The following CNTN5 variants were observed in gnomAD, a reference collection of about 807,000 sequenced individuals.
CNTN5 encodes contactin-5.
Under a neutral mutation model 129.1 loss-of-function variants are expected in CNTN5, and 77 were observed. The ratio of observed to expected loss-of-function variants is 0.60; its 90% CI spans 0.50 to 0.72. CNTN5 has a LOEUF of 0.72. Ranked by LOEUF, CNTN5 falls within the 30% of genes least tolerant of loss-of-function variation. CNTN5 has a pLI of 0.00. For missense variants in CNTN5, 1,478 were observed against 1,328.8 expected (o/e 1.11, Z -1.75); for synonymous variants, 509 against 465.6 (o/e 1.09, Z -1.20).
intron 8 of CNTN5, among the ~76,000 whole-genome samples, chr11:99,977,031 C>G (rs1286808821): frequency 6.6e-6 from 1 of 152,228 alleles, no homozygotes; most frequent in Non-Finnish European, 1.5e-5. Context: ...AGCCAGGTCA[C>G]ATCTTGAAAG....
chr11:100,173,369 T>G (rs1205236585), intron 13 of CNTN5, among the ~76,000 whole-genome samples: 1 of 152,118 alleles, frequency 6.6e-6, no homozygotes. Context: ...TCCCCAGAAA[T>G]TATAAAACCA....
At chr11:99,923,801 A>G (rs1161943062) in intron 7 of CNTN5, among the ~76,000 whole-genome samples, 3 of 150,200 alleles carry the variant, frequency 2.0e-5, no homozygotes, top group African/African-American at 4.9e-5. Flanking sequence ...CTATCTATCT[A>G]TCTATCTGAC....
chr11:100,177,432 T>C (rs180802835), intron 13 of CNTN5, among the ~76,000 whole-genome samples: 3 of 152,270 alleles, frequency 2.0e-5, no homozygotes, highest in East Asian at 1.9e-4. Flanking sequence ...AACTGGGTCA[T>C]ATTCAGAATC....
chr11:100,133,781 A>G (rs1801923715), intron 13 of CNTN5, among the ~76,000 whole-genome samples: 3 of 152,122 alleles, frequency 2.0e-5, no homozygotes, highest in South Asian at 2.1e-4. Context: ...ATTAGTTCCA[A>G]TGGGAGGTTA....
chr11:100,120,803 A>G (rs962644741), intron 13 of CNTN5, among the ~76,000 whole-genome samples: 5 of 151,994 alleles, frequency 3.3e-5, no homozygotes, highest in Non-Finnish European at 7.4e-5. Flanking sequence ...ATCCCCTATT[A>G]CTATTTTAAA....
At chr11:99,371,348 C>T (rs1387818373) in intron 2 of CNTN5, among the ~76,000 whole-genome samples, 7 of 151,524 alleles carry the variant, frequency 4.6e-5, no homozygotes, top group Non-Finnish European at 1.0e-4. Context: ...ATACATAAGT[C>T]CCTGAAATAA....
chr11:99,367,677 A>G (rs1939537220), intron 2 of CNTN5, among the ~76,000 whole-genome samples: 1 of 152,190 alleles, frequency 6.6e-6, no homozygotes, highest in African/African-American at 2.4e-5. Context: ...AACATTATCC[A>G]GCTAGCTATA....
chr11:100,235,582 G>A (rs956980696), intron 16 of CNTN5, among the ~76,000 whole-genome samples: 3 of 152,086 alleles, frequency 2.0e-5, no homozygotes, highest in African/African-American at 7.2e-5. Context: ...ATATTACTGG[G>A]ACCCATTGCC....
At chr11:99,885,167 A>G (rs1948869543) in intron 6 of CNTN5, among the ~76,000 whole-genome samples, 1 of 152,086 alleles carries the variant, frequency 6.6e-6, no homozygotes, top group Admixed American at 6.6e-5. Flanking sequence ...CTATAGTCCT[A>G]GCTACTGGGG....
intron 9 of CNTN5, 83 bp from the exon 10 acceptor site, chr11:100,061,129 T>A (rs56237603): frequency 0.037 from 42,135 of 1,138,670 alleles, 940 homozygotes; most frequent in African/African-American, 0.07. Flanking sequence ...CTCAGCCTAT[T>A]AAGTGCTTAA....
rs185124387 is a variant in CNTN5, at chr11:100,176,572, A to G, written c.1581-14554A>G. On this transcript the variant is annotated intron_variant, in intron 13 of 24. Transcript: ENST00000524871. ...CAAAAATGAAGGCAGGAAAAATTCT[A>G]TGTAAAGTGGATTAAGGATGAGTTC... 2.4e-3 allele frequency among the ~76,000 whole-genome samples: 365 copies of G among 152,136 alleles called. 3 individuals are homozygous for G. The highest frequency in any genetic ancestry group is 7.9e-3 in the African/African-American group (329 of 41,532).
intron 2 of CNTN5, among the ~76,000 whole-genome samples, chr11:99,406,170 G>T (rs1037209310): frequency 2.6e-5 from 4 of 151,700 alleles, no homozygotes; most frequent in Non-Finnish European, 4.4e-5. Flanking sequence ...CACAATCTGG[G>T]CTTATTTGCA....
chr11:99,721,369 A>C (rs940818900), intron 3 of CNTN5, among the ~76,000 whole-genome samples: 1 of 152,156 alleles, frequency 6.6e-6, no homozygotes, highest in Non-Finnish European at 1.5e-5. Context: ...ACTGACAAAA[A>C]CAAGCAATGG....
At chr11:99,545,878 C>T (rs910140755) in intron 2 of CNTN5, among the ~76,000 whole-genome samples, 2 of 152,306 alleles carry the variant, frequency 1.3e-5, no homozygotes, top group South Asian at 2.1e-4. Flanking sequence ...TCTCCCTGCA[C>T]GTAGCCAGGG....
At chr11:99,835,928 C>G (rs1043605954) in intron 4 of CNTN5, among the ~76,000 whole-genome samples, 1 of 151,966 alleles carries the variant, frequency 6.6e-6, no homozygotes, top group Non-Finnish European at 1.5e-5. Flanking sequence ...ATACAGACCC[C>G]AAGAGAGGGT....
rs537493206 is a variant in CNTN5 at position 99,834,778 on chromosome 11, C to T, written c.278-10074C>T. On this transcript the variant is annotated intron_variant, in intron 4 of 24. Coordinates refer to ENST00000524871, the MANE Select transcript of CNTN5 (RefSeq NM_014361.4). Reference sequence around the variant, plus strand: ...GATAGATGGGGTTACTACTAAGGCTCAGGGATAACAAAAGAGTAAGGGAAA... The same window carrying T: ...GATAGATGGGGTTACTACTAAGGCTTAGGGATAACAAAAGAGTAAGGGAAA... Among the ~76,000 whole-genome samples the T allele has an allele frequency of 1.7e-4, 26 of 152,126 alleles. No individual in the cohort carries two copies. The South Asian group carries it at 5.2e-3, about 30-fold the overall frequency.
intron 9 of CNTN5, among the ~76,000 whole-genome samples, chr11:100,020,509 ACCATG>A (rs1263388652): frequency 6.6e-6 from 1 of 152,048 alleles, no homozygotes; most frequent in Admixed American, 6.6e-5. Flanking sequence ...CTGTGCCAGT[ACCATG>A]CTGTTTTGAT....
intron 2 of CNTN5, among the ~76,000 whole-genome samples, chr11:99,500,944 G>C (rs926906310): frequency 6.6e-6 from 1 of 152,042 alleles, no homozygotes; most frequent in African/African-American, 2.4e-5. Context: ...CCTGTAATCT[G>C]TATGCCTTTT....
chr11:99,971,265 C>T (rs1219659409), intron 8 of CNTN5, among the ~76,000 whole-genome samples: 1 of 152,130 alleles, frequency 6.6e-6, no homozygotes, highest in Non-Finnish European at 1.5e-5. Flanking sequence ...CTTTACAAGA[C>T]CGGGCATGGT....
Sources: gnomAD v4.1 joint callset for allele counts (sites outside exome capture counted in the v4.1 genomes callset) on GRCh38, gnomAD v4.1.1 for gene constraint, MANE v1.5 for transcripts, NCBI Gene and HGNC (gene_info 2026-07-23, HGNC 2026-07-21) for gene names.